MPDZ: variants seen among roughly 807,000 people sequenced by gnomAD.
The protein encoded by MPDZ is multiple PDZ domain protein.
In MPDZ, 234 loss-of-function variants were observed where a neutral mutation model predicts 239.1. The observed-to-expected ratio is 0.98, with a 90% confidence interval of 0.88 to 1.09. The LOEUF is 1.09. Among genes scored for constraint, MPDZ ranks in the 50% least tolerant of loss-of-function variants. MPDZ has a pLI of 0.00. For synonymous variants in MPDZ, 1,048 were observed against 881.3 expected (o/e 1.19, Z -3.35); for missense variants, 3,175 against 2,510.0 (o/e 1.26, Z -5.66).
At chr9:13,262,145 A>C (rs1436312577) in intron 1 of MPDZ, among the ~76,000 whole-genome samples, 1 of 152,140 alleles carries the variant, frequency 6.6e-6, no homozygotes. Flanking sequence ...ATATTTATAA[A>C]TAGTAAAAAT....
intron 2 of MPDZ, among the ~76,000 whole-genome samples, chr9:13,249,601 G>A (rs1202905670): frequency 6.6e-6 from 1 of 152,088 alleles, no homozygotes; most frequent in African/African-American, 2.4e-5. Flanking sequence ...TAATGATTAA[G>A]GTGCCAGAGT....
At chr9:13,255,864 A>C (rs1276377389) in intron 1 of MPDZ, among the ~76,000 whole-genome samples, 1 of 152,230 alleles carries the variant, frequency 6.6e-6, no homozygotes, top group Non-Finnish European at 1.5e-5. Flanking sequence ...CTTCAATTTG[A>C]CATCACCATC....
chr9:13,271,298 A>G (rs751005465), intron 1 of MPDZ, among the ~76,000 whole-genome samples: 9 of 152,204 alleles, frequency 5.9e-5, no homozygotes, highest in Non-Finnish European at 1.2e-4. Flanking sequence ...CAAAAGTCGG[A>G]CTCACACAGT....
At chr9:13,231,720 A>AC (rs1473084888) in intron 3 of MPDZ, among the ~76,000 whole-genome samples, 1 of 151,032 alleles carries the variant, frequency 6.6e-6, no homozygotes, top group Non-Finnish European at 1.5e-5. Flanking sequence ...TTGTGACAAA[A>AC]AAAGGCTGAA....
At chr9:13,203,717 C>G (rs1291280398) in intron 12 of MPDZ, among the ~76,000 whole-genome samples, 1 of 147,658 alleles carries the variant, frequency 6.8e-6, no homozygotes, top group Non-Finnish European at 1.5e-5. Flanking sequence ...TAGTCACCCC[C>G]ATGTATCCTG....
chr9:13,219,176 A>T (rs1436134519), intron 8 of MPDZ, among the ~76,000 whole-genome samples: 1 of 151,944 alleles, frequency 6.6e-6, no homozygotes, highest in Non-Finnish European at 1.5e-5. Flanking sequence ...AAAGTTGATG[A>T]AAGAGAATGA....
At chr9:13,136,946 C>G in intron 29 of MPDZ, 143 bp from the exon 30 acceptor site, 1 of 455,436 alleles carries the variant, frequency 2.2e-6, no homozygotes, top group Non-Finnish European at 3.8e-6. Flanking sequence ...CTCCCCAAAA[C>G]ATGAAACTGA....
chr9:13,159,083 C>G (rs2133431975), intron 23 of MPDZ, among the ~76,000 whole-genome samples: 1 of 152,180 alleles, frequency 6.6e-6, no homozygotes, highest in Non-Finnish European at 1.5e-5. Context: ...GCCATTCTCC[C>G]CTGACAGGAA....
chr9:13,234,499 G>GT (rs1963418771), intron 3 of MPDZ, among the ~76,000 whole-genome samples: 1 of 152,018 alleles, frequency 6.6e-6, no homozygotes, highest in Non-Finnish European at 1.5e-5. Context: ...ATCAAAATCT[G>GT]TTTTATGATT....
chr9:13,241,416 C>T lies in MPDZ; in HGVS notation c.183+6219G>A, dbSNP rs530471136. Among the ~76,000 whole-genome samples the T allele has an allele frequency of 5.9e-5, 9 of 152,250 alleles. No homozygotes were observed. In the East Asian group the frequency reaches 1.5e-3, roughly 26 times the overall value. ...ATAATTCTTGTTAATGAAATCAAAG[C>T]ATATTTCTTTCGTTCTGTCCTCCTT... On this transcript the variant is annotated intron_variant, in intron 3 of 46. Transcript: ENST00000319217.
chr9:13,183,352 G>T, intron 19 of MPDZ, 66 bp downstream of exon 19: 1 of 1,321,156 alleles, frequency 7.6e-7, no homozygotes. Flanking sequence ...TCCCCATAAG[G>T]ACTGAGCTCT....
chr9:13,235,197 T>A (rs141758387), intron 3 of MPDZ, among the ~76,000 whole-genome samples: 62 of 152,252 alleles, frequency 4.1e-4, no homozygotes, highest in African/African-American at 1.4e-3. Flanking sequence ...ATTAAAGAAA[T>A]TGAACTGCAT....
At chr9:13,263,300 C>T (rs890679462) in intron 1 of MPDZ, among the ~76,000 whole-genome samples, 1 of 149,392 alleles carries the variant, frequency 6.7e-6, no homozygotes, top group African/African-American at 2.5e-5. Context: ...ATAAGGCAGC[C>T]GATATGTGAA....
Position 13,224,371 on chromosome 9 carries a change from T to C in MPDZ, c.393+3A>G, listed in dbSNP as rs938817601. The C allele has an allele frequency of 6.2e-7, 1 of 1,609,866 alleles. No homozygotes were observed. The highest frequency in any genetic ancestry group is 1.3e-5 in the African/African-American group (1 of 74,868). ...AATAACTAACAGAAAGAAATGTTCT[T>C]ACCTGGGCCATATTTTTGATAAGCT... On this transcript the variant is annotated splice_donor_region_variant and intron_variant, in intron 4 of 46. Transcript: ENST00000319217.
chr9:13,117,102 GATA>G (rs1943581235), intron 39 of MPDZ, among the ~76,000 whole-genome samples: 1 of 151,800 alleles, frequency 6.6e-6, no homozygotes, highest in South Asian at 2.1e-4. Context: ...GACATAAGAG[GATA>G]ATAAAATAGA....
At chr9:13,196,043 T>C (rs916703868) in intron 13 of MPDZ, 78 bp downstream of exon 13, 63 of 875,372 alleles carry the variant, frequency 7.2e-5, no homozygotes, top group African/African-American at 3.7e-4. Context: ...ACTCTAATGA[T>C]TGCCTCTATT....
chr9:13,172,451 C>T (rs1286462820), intron 21 of MPDZ, among the ~76,000 whole-genome samples: 3 of 150,194 alleles, frequency 2.0e-5, no homozygotes, highest in East Asian at 2.0e-4. Context: ...GGCACGATCT[C>T]GGCTCACTGC....
intron 25 of MPDZ, among the ~76,000 whole-genome samples, chr9:13,149,491 A>C (rs887611880): frequency 2.0e-5 from 3 of 152,084 alleles, no homozygotes; most frequent in Non-Finnish European, 4.4e-5. Context: ...GAAAACTCAG[A>C]AAATCTAGGT....
At chr9:13,216,632 G>T (rs1047900097) in intron 10 of MPDZ, 142 bp downstream of exon 10, 7 of 545,826 alleles carry the variant, frequency 1.3e-5, no homozygotes, top group African/African-American at 1.9e-5. Context: ...AATAGAAAGG[G>T]TAATTGTAAT....
Sources: allele counts gnomAD v4.1 joint callset (sites outside exome capture counted in the v4.1 genomes callset), GRCh38; gene constraint gnomAD v4.1.1; transcripts MANE v1.5; gene names NCBI Gene and HGNC (gene_info 2026-07-23, HGNC 2026-07-21).